Variants in NMBR observed in about 807,000 individuals in gnomAD.
The protein encoded by NMBR is neuromedin-B receptor.
Under a neutral mutation model 20.5 loss-of-function variants are expected in NMBR, and 16 were observed. That is an observed-to-expected ratio of 0.78 (90% CI 0.53 to 1.19). NMBR has a LOEUF of 1.19. Ranked by LOEUF, NMBR falls within the 50% of genes most tolerant of loss-of-function variation. The pLI is 0.00. For synonymous variants in NMBR, 212 were observed against 196.6 expected (o/e 1.08, Z -0.65); for missense variants, 582 against 499.1 (o/e 1.17, Z -1.58).
chr6:142,131,169 A>C (rs1778135157), intron 1 of NMBR, among the ~76,000 whole-genome samples: 1 of 152,138 alleles, frequency 6.6e-6, no homozygotes, highest in Non-Finnish European at 1.5e-5. Flanking sequence ...AAATCACAAA[A>C]TCCTGGACTT....
intron 1 of NMBR, among the ~76,000 whole-genome samples, chr6:142,116,563 T>C (rs1777859110): frequency 6.6e-6 from 1 of 152,050 alleles, no homozygotes; most frequent in Admixed American, 6.6e-5. Context: ...AAATCCCTTA[T>C]ATCATATCTG....
chr6:142,129,268 A>ATAG (rs1008523972), intron 1 of NMBR, among the ~76,000 whole-genome samples: 32 of 152,100 alleles, frequency 2.1e-4, no homozygotes, highest in African/African-American at 7.5e-4. Context: ...TTTTGTACTA[A>ATAG]TAGTAGTAGT....
At chr6:142,107,265 GA>G (rs572123473) in intron 1 of NMBR, among the ~76,000 whole-genome samples, 56 of 152,166 alleles carry the variant, frequency 3.7e-4, no homozygotes, top group Non-Finnish European at 6.8e-4. Context: ...AAATGTCAAA[GA>G]AAGGCCTCAA....
chr6:142,074,501 T>C lies in NMBR; in HGVS notation c.*1147A>G, dbSNP rs1450910329. Among the ~76,000 whole-genome samples the C allele has an allele frequency of 6.6e-6, 1 of 152,210 alleles. No individual in the cohort carries two copies. The highest frequency in any genetic ancestry group is 1.5e-5 in the Non-Finnish European group (1 of 68,024). ...GAAATATATTGATTTAAATGTTAGATTTATTGATACATGCTTTTAAAAATG... is the reference window on the plus strand; with the variant it reads ...GAAATATATTGATTTAAATGTTAGACTTATTGATACATGCTTTTAAAAATG... On this transcript the variant is annotated 3_prime_UTR_variant, in exon 4 of 4. Coordinates refer to ENST00000258042, the MANE Select transcript of NMBR (RefSeq NM_002511.4).
At chr6:142,134,684 C>T (rs779366865) in intron 1 of NMBR, 140 of 695,746 alleles carry the variant, frequency 2.0e-4, no homozygotes, top group African/African-American at 1.6e-3. Context: ...ATTAGTCTAG[C>T]GGCAATAGCA....
intron 1 of NMBR, among the ~76,000 whole-genome samples, chr6:142,125,863 A>G (rs1294732350): frequency 6.6e-6 from 1 of 151,474 alleles, no homozygotes; most frequent in African/African-American, 2.4e-5. Context: ...TGTGTGTGTG[A>G]TAATTACCTG....
At chr6:142,086,950 G>T (rs1777210989) in intron 2 of NMBR, among the ~76,000 whole-genome samples, 1 of 152,108 alleles carries the variant, frequency 6.6e-6, no homozygotes, top group African/African-American at 2.4e-5. Flanking sequence ...GGTAAAATAA[G>T]ATTGCATAAA....
At chr6:142,096,859 T>A (rs1383256677) in intron 1 of NMBR, among the ~76,000 whole-genome samples, 8 of 151,758 alleles carry the variant, frequency 5.3e-5, no homozygotes, top group Non-Finnish European at 1.0e-4. Flanking sequence ...GGTGCTCCTG[T>A]ATTGGGTGCA....
intron 1 of NMBR, among the ~76,000 whole-genome samples, chr6:142,131,622 C>T (rs1778143951): frequency 1.3e-5 from 2 of 152,178 alleles, no homozygotes; most frequent in South Asian, 4.1e-4. Context: ...CATCCCTCCT[C>T]AGCCTAATCT....
intron 2 of NMBR, among the ~76,000 whole-genome samples, chr6:142,087,487 T>C (rs1328764598): frequency 1.3e-5 from 2 of 152,096 alleles, no homozygotes; most frequent in East Asian, 3.9e-4. Context: ...GAAATTACAT[T>C]CCCTGGGCCT....
At chr6:142,127,707 T>C (rs770907870) in intron 1 of NMBR, among the ~76,000 whole-genome samples, 20 of 152,008 alleles carry the variant, frequency 1.3e-4, no homozygotes, top group Non-Finnish European at 2.2e-4. Flanking sequence ...GCCTCTTTGG[T>C]TCAGTTAATT....
chr6:142,114,401 T>G (rs566220893), intron 1 of NMBR, among the ~76,000 whole-genome samples: 1 of 152,178 alleles, frequency 6.6e-6, no homozygotes, highest in East Asian at 1.9e-4. Flanking sequence ...AATAGAAAAT[T>G]TTTTCAGTAA....
intron 1 of NMBR, among the ~76,000 whole-genome samples, chr6:142,123,093 A>T (rs1777973125): frequency 6.6e-6 from 1 of 152,036 alleles, no homozygotes. Context: ...AGAATTCATC[A>T]TTCTAGATGC....
chr6:142,108,936 T>C (rs1777710255), intron 1 of NMBR, among the ~76,000 whole-genome samples: 1 of 152,126 alleles, frequency 6.6e-6, no homozygotes, highest in Non-Finnish European at 1.5e-5. Context: ...CTAGATACAA[T>C]GAGAGTACCG....
At position 142,075,861 on chromosome 6, in the gene NMBR, G is replaced by T; in HGVS notation, c.960C>A (p.Asn320Lys). 1 of 1,614,048 alleles carries T rather than the reference G, an allele frequency of 6.2e-7. No homozygotes were observed. Among genetic ancestry groups the T allele is most frequent in the Non-Finnish European group, 8.5e-7 (1 of 1,179,958 alleles). Residue 320 changes from asparagine to lysine, a missense_variant, in exon 4 of 4, where the codon AAC (asparagine) becomes AAA (lysine). Asn to Lys is a moderately conservative substitution (Grantham distance 94). Coordinates refer to ENST00000258042, the MANE Select transcript of NMBR (RefSeq NM_002511.4). ...RVLSFGNSCVNPFALYLLSES... is the reference protein window; with the variant it reads ...RVLSFGNSCVKPFALYLLSES... ...CACTGAGTAGGTAAAGAGCAAATGG[G>T]TTGACACAAGAATTGCCAAAACTGA...
At chr6:142,114,842 A>T (rs939653203) in intron 1 of NMBR, among the ~76,000 whole-genome samples, 4 of 152,088 alleles carry the variant, frequency 2.6e-5, no homozygotes, top group African/African-American at 9.7e-5. Flanking sequence ...ATCTCTTATC[A>T]TATTCATAGC....
At chr6:142,138,995 T>C (rs1254426390) in intron 1 of NMBR, among the ~76,000 whole-genome samples, 2 of 152,198 alleles carry the variant, frequency 1.3e-5, no homozygotes, top group Non-Finnish European at 2.9e-5. Context: ...CTGTGTGCTC[T>C]ATCAGATGTC....
intron 1 of NMBR, among the ~76,000 whole-genome samples, chr6:142,138,426 C>T (rs1487580731): frequency 2.0e-5 from 3 of 151,986 alleles, no homozygotes; most frequent in East Asian, 1.9e-4. Flanking sequence ...TTAAAAAATT[C>T]GTATAAAAAG....
rs904445815 is a variant in NMBR at position 142,088,733 on chromosome 6, G to A, written c.-75C>T. ...CTGAGGACTGAACGCCCACGATTTAGGTTTAATCGATGTCCCTCCCTCTCG... is the reference window on the plus strand; with the variant it reads ...CTGAGGACTGAACGCCCACGATTTAAGTTTAATCGATGTCCCTCCCTCTCG... On this transcript the variant is annotated 5_prime_UTR_variant, in exon 2 of 4. Transcript: ENST00000258042. 7.4e-7 allele frequency: 1 copy of A among 1,346,802 alleles called. No individual in the cohort carries two copies. The highest frequency in any genetic ancestry group is 1.0e-6 in the Non-Finnish European group (1 of 989,622). 83.4% of individuals were successfully genotyped at this position (1,346,802 alleles called of 1,614,324 possible).
Sources: allele counts gnomAD v4.1 joint callset (sites outside exome capture counted in the v4.1 genomes callset), GRCh38; gene constraint gnomAD v4.1.1; transcripts MANE v1.5; gene names NCBI Gene and HGNC (gene_info 2026-07-23, HGNC 2026-07-21).